PHIP: variants seen among roughly 807,000 people sequenced by gnomAD.
PHIP encodes PHIP subunit of CUL4-Ring ligase complex.
A neutral mutation model predicts 236.8 loss-of-function variants in PHIP; 54 were observed. That is an observed-to-expected ratio of 0.23 (90% CI 0.18 to 0.29). PHIP has a LOEUF of 0.29. PHIP is among the 10% of genes least tolerant of loss of function. The pLI is 1.00. For synonymous variants in PHIP, 756 were observed against 718.9 expected (o/e 1.05, Z -0.83); for missense variants, 1,370 against 2,190.8 (o/e 0.63, Z 7.48).
Position 79,077,843 on chromosome 6 carries a change from G to A in PHIP, c.99+12C>T. On this transcript the variant is annotated intron_variant, in intron 2 of 39. Transcript: ENST00000275034. ...CGAGCGCCGGCCCGGCCCGCGCCGC[G>A]CGCCGCCGTACCTGAGCCGCCTGCT... is the stretch of plus-strand genomic sequence containing the variant. 1 of 1,441,190 alleles carries A rather than the reference G, an allele frequency of 6.9e-7. No homozygotes were observed. The highest frequency in any genetic ancestry group is 1.3e-5 in the South Asian group (1 of 74,920). The allele number at this position is 1,441,190 out of a possible 1,614,324, so 89.3% of individuals were successfully genotyped here. A position where few individuals can be genotyped will look rare whatever the true frequency, so the allele number is the denominator to read the frequency against.
rs190707235 is a variant in PHIP at position 79,076,600 on chromosome 6, G to A, written c.189+848C>T. Among the ~76,000 whole-genome samples, 644 of 152,208 alleles carry A rather than the reference G, an allele frequency of 4.2e-3. 3 individuals carry two copies. Among genetic ancestry groups the A allele is most frequent in the Middle Eastern group, 0.02 (6 of 294 alleles). On this transcript the variant is annotated intron_variant, in intron 4 of 39. Coordinates refer to ENST00000275034, the MANE Select transcript of PHIP (RefSeq NM_017934.7). ...CATTTTGACAACCCACAAAATTAAGGTTTTTAAGCTATTAAACAAAATATG... is the reference window on the plus strand; with the variant it reads ...CATTTTGACAACCCACAAAATTAAGATTTTTAAGCTATTAAACAAAATATG...
At chr6:79,058,253 G>T (rs542808346) in intron 6 of PHIP, among the ~76,000 whole-genome samples, 1 of 151,888 alleles carries the variant, frequency 6.6e-6, no homozygotes, top group African/African-American at 2.4e-5. Context: ...AAAACCCAAG[G>T]TATTTTTGCC....
At chr6:79,042,380 C>CT (rs577379499) in intron 7 of PHIP, among the ~76,000 whole-genome samples, 288 of 151,912 alleles carry the variant, frequency 1.9e-3, no homozygotes, top group Non-Finnish European at 3.4e-3. Flanking sequence ...AATTTTTTAG[C>CT]TTTTTTAAAA....
rs1404259359 is a variant in PHIP, at chr6:79,025,561, G to A, written c.881C>T (p.Thr294Ile). The change falls in exon 9 of 40, where the codon ACT becomes ATT. Residue 294 changes from threonine (T) to isoleucine (I), a missense_variant. Transcript: ENST00000275034. The part of the protein sequence containing the change: ...RYLSSTGADG[T>I]ICFWLWDAGT... Reference sequence around the variant, plus strand: ...AGCATCCCAGAGCCAAAAACAAATAGTGCCATCTGCCCCAGTAGAAGATAG... The same window carrying A: ...AGCATCCCAGAGCCAAAAACAAATAATGCCATCTGCCCCAGTAGAAGATAG... 2.5e-6 allele frequency: 4 copies of A among 1,612,014 alleles called. No homozygotes were observed. The highest frequency in any genetic ancestry group is 2.5e-6 in the Non-Finnish European group (3 of 1,178,242).
At chr6:79,041,187 C>T (rs539127028) in intron 7 of PHIP, among the ~76,000 whole-genome samples, 3 of 152,192 alleles carry the variant, frequency 2.0e-5, no homozygotes, top group Admixed American at 6.6e-5. Context: ...AACAACTGAA[C>T]ATGCCTGTGT....
At chr6:79,010,654 A>G (rs967331876) in intron 15 of PHIP, among the ~76,000 whole-genome samples, 11 of 151,964 alleles carry the variant, frequency 7.2e-5, no homozygotes, top group African/African-American at 2.2e-4. Context: ...AGAGATAGAG[A>G]CACAGCTAGG....
At chr6:79,006,460 T>C (rs1165182848) in intron 15 of PHIP, among the ~76,000 whole-genome samples, 4 of 152,050 alleles carry the variant, frequency 2.6e-5, no homozygotes, top group African/African-American at 9.7e-5. Flanking sequence ...GGTCAAAGTA[T>C]TTATGAGTAA....
At chr6:78,997,366 A>G (rs1769688030) in intron 19 of PHIP, 48 bp downstream of exon 19, 1 of 1,543,932 alleles carries the variant, frequency 6.5e-7, no homozygotes, top group African/African-American at 1.4e-5. Context: ...TTAACTCCAA[A>G]ATGAACCCAA....
At position 78,961,821 on chromosome 6, in the gene PHIP, T is replaced by A. The variant is rs749169248; in HGVS notation, c.3536-11A>T. 1 of 1,585,662 alleles carries A rather than the reference T, an allele frequency of 6.3e-7. No homozygotes were observed. Among genetic ancestry groups the A allele is most frequent in the Admixed American group, 1.8e-5 (1 of 55,118 alleles). ...ATGCTGAGGCAATATCTAAAATAAA[T>A]AGATAAGTTTGTAAATTTATTTTTG... On this transcript the variant is annotated splice_polypyrimidine_tract_variant and intron_variant, in intron 30 of 39. Transcript: ENST00000275034.
intron 7 of PHIP, among the ~76,000 whole-genome samples, chr6:79,041,078 G>C (rs975539818): frequency 2.6e-5 from 4 of 152,078 alleles, no homozygotes; most frequent in African/African-American, 9.7e-5. Context: ...TTTCTGTACA[G>C]AGCTGGATAA....
intron 7 of PHIP, among the ~76,000 whole-genome samples, chr6:79,029,311 T>C (rs1771548547): frequency 6.6e-6 from 1 of 152,162 alleles, no homozygotes; most frequent in African/African-American, 2.4e-5. Flanking sequence ...TCTTAAGCAA[T>C]TTCTATCTCA....
intron 32 of PHIP, 82 bp from the exon 33 acceptor site, chr6:78,955,764 T>A: frequency 5.5e-6 from 3 of 549,832 alleles, no homozygotes; most frequent in South Asian, 5.5e-5. Context: ...AAAACCATAT[T>A]TTAAGGTAAA....
chr6:78,945,354 A>C lies in PHIP; in HGVS notation c.4774T>G (p.Ser1592Ala), dbSNP rs1335614889. 2 of 1,613,842 alleles carry C rather than the reference A, an allele frequency of 1.2e-6. No homozygotes were observed. The highest frequency in any genetic ancestry group is 1.1e-5 in the South Asian group (1 of 91,074). ...AGAGTGGACGCCTTTGGGAGTACAG[A>C]TGACTTCATTTTACGTTTGACTGGC... Reference protein sequence around the residue: ...EKPVKRKMKSSVLPKASTLSK... With the variant: ...EKPVKRKMKSAVLPKASTLSK... The change falls in exon 39 of 40, where the codon TCT (serine) becomes GCT (alanine). Residue 1592 changes from serine (S) to alanine (A), a missense_variant. Transcript: ENST00000275034.
In PHIP at chr6:78,935,801, C is replaced by G. The variant is rs1486717803; in HGVS notation, c.*4892G>C. 2.1e-6 allele frequency: 2 copies of G among 954,104 alleles called. No individual in the cohort carries two copies. The highest frequency in any genetic ancestry group is 6.2e-5 in the Admixed American group (1 of 16,222). The allele number at this position is 954,104 out of a possible 1,614,324, so 59.1% of individuals were successfully genotyped here. A position where few individuals can be genotyped will look rare whatever the true frequency, so the allele number is the denominator to read the frequency against. On this transcript the variant is annotated 3_prime_UTR_variant, in exon 40 of 40. Transcript: ENST00000275034. ...GTAAGCAGCTTGTTGAGATTATGTA[C>G]TAAGTGCTTTATGTGATGCCAAAAA...
chr6:79,014,774 G>GT (rs959669232), intron 15 of PHIP, among the ~76,000 whole-genome samples: 7 of 151,634 alleles, frequency 4.6e-5, no homozygotes, highest in Non-Finnish European at 1.0e-4. Flanking sequence ...TCTTCACATG[G>GT]TTTTCCAAGT....
At chr6:79,026,222 T>A in intron 7 of PHIP, 58 bp from the exon 8 acceptor site, 1 of 1,197,924 alleles carries the variant, frequency 8.3e-7, no homozygotes, top group Non-Finnish European at 1.2e-6. Context: ...TTCAAAATCT[T>A]AACACTGATA....
At chr6:78,951,785 A>C (rs187672479) in intron 35 of PHIP, among the ~76,000 whole-genome samples, 1 of 152,334 alleles carries the variant, frequency 6.6e-6, no homozygotes, top group Non-Finnish European at 1.5e-5. Context: ...TCTTTATATA[A>C]AAATTCATTT....
chr6:78,979,487 G>C (rs1768360063), intron 23 of PHIP, among the ~76,000 whole-genome samples: 1 of 151,976 alleles, frequency 6.6e-6, no homozygotes, highest in African/African-American at 2.4e-5. Flanking sequence ...CATAGGAGTT[G>C]AGTAGTGCAA....
intron 7 of PHIP, among the ~76,000 whole-genome samples, chr6:79,036,235 G>A (rs1488937370): frequency 6.6e-6 from 1 of 152,106 alleles, no homozygotes; most frequent in Non-Finnish European, 1.5e-5. Context: ...GTTAATTGTG[G>A]ACCAAATAAC....
Sources: allele counts gnomAD v4.1 joint callset (sites outside exome capture counted in the v4.1 genomes callset), GRCh38; gene constraint gnomAD v4.1.1; transcripts MANE v1.5; gene names NCBI Gene and HGNC (gene_info 2026-07-23, HGNC 2026-07-21).